The following PTPN14 variants were observed in gnomAD, a reference collection of about 807,000 sequenced individuals.
The protein encoded by PTPN14 is protein tyrosine phosphatase non-receptor type 14.
Under a neutral mutation model 126.8 loss-of-function variants are expected in PTPN14, and 53 were observed. The observed-to-expected ratio is 0.42, with a 90% CI of 0.34 to 0.53. The LOEUF (loss-of-function observed/expected upper bound fraction) is 0.53, where lower values mean the gene tolerates loss of function less well. Among genes scored for constraint, PTPN14 ranks in the 20% least tolerant of loss-of-function variants. The pLI, the probability that PTPN14 is intolerant of heterozygous loss-of-function variation, is 0.08. For synonymous variants in PTPN14, 630 were observed against 599.3 expected, an observed-to-expected ratio of 1.05 and a Z score of -0.75; for missense variants, 1,257 against 1,552.9, an observed-to-expected ratio of 0.81 and a Z score of 3.20.
intron 3 of PTPN14, among the ~76,000 whole-genome samples, chr1:214,432,349 A>T (rs755950050): frequency 2.6e-5 from 4 of 152,202 alleles, no homozygotes; most frequent in Non-Finnish European, 5.9e-5. Flanking sequence ...AAAGAAACAT[A>T]AGACCAAGTA....
chr1:214,502,815 T>C (rs1402371434), intron 1 of PTPN14, among the ~76,000 whole-genome samples: 2 of 151,994 alleles, frequency 1.3e-5, no homozygotes, highest in African/African-American at 4.8e-5. Context: ...CAGAAAAAAA[T>C]AGGGAAAACA....
In PTPN14 at chr1:214,414,726, T is replaced by G; in HGVS notation, c.345A>C (p.Arg115Ser). The change falls in exon 4 of 19, where the codon AGA becomes AGC. Residue 115 changes from arginine to serine, a missense_variant and splice_region_variant. Arg to Ser is a moderately radical substitution (Grantham distance 110). Transcript: ENST00000366956. ...NVSWLQQEAT[R>S]YQYYLQVKKD... ...TTTTGACTTGCAGGTAATACTGATA[T>G]CTGTTCATGGGAATAGAGGAACAAA... 6.2e-7 allele frequency: 1 copy of G among 1,609,906 alleles called. No homozygotes were observed. The highest frequency in any genetic ancestry group is 8.5e-7 in the Non-Finnish European group (1 of 1,176,150).
At chr1:214,491,813 T>C (rs1661257371) in intron 1 of PTPN14, among the ~76,000 whole-genome samples, 2 of 152,158 alleles carry the variant, frequency 1.3e-5, no homozygotes, top group Admixed American at 6.5e-5. Context: ...TCCCCAAGTC[T>C]AGTTCATCTG....
At chr1:214,501,808 C>T (rs1654706542) in intron 1 of PTPN14, among the ~76,000 whole-genome samples, 1 of 151,978 alleles carries the variant, frequency 6.6e-6, no homozygotes, top group African/African-American at 2.4e-5. Flanking sequence ...GCCTGTAATC[C>T]CAGCACTTTG....
rs534100917 is a variant in PTPN14 at position 214,349,359 on chromosome 1, A to G, written c.*8563T>C. On this transcript the variant is annotated 3_prime_UTR_variant, in exon 19 of 19. Transcript: ENST00000366956. Reference sequence around the variant, plus strand: ...CTGTGGTGGAGGTCAGTGGGCTTCTATGGGCTGACGCAAGAACCTTAAGAA... The same window carrying G: ...CTGTGGTGGAGGTCAGTGGGCTTCTGTGGGCTGACGCAAGAACCTTAAGAA... 5.3e-5 allele frequency: 8 copies of G among 152,326 alleles called. 1 individual carries two copies. In the East Asian group the frequency reaches 1.5e-3, roughly 29 times the overall value. 9.4% of individuals were successfully genotyped at this position (152,326 alleles called of 1,614,324 possible).
At position 214,369,693 on chromosome 1, in the gene PTPN14, TA is replaced by T. The variant is rs780973871; in HGVS notation, c.3037-3del. 8.7e-6 allele frequency: 14 copies of T among 1,613,184 alleles called. No homozygotes were observed. Among genetic ancestry groups the T allele is most frequent in the Non-Finnish European group, 4.2e-6 (5 of 1,179,272 alleles). ...GTGGCTTTTGGTTCGTCCACCCTCC[TA>T]AATCACATATAAAAGCAAAATTGGA... On this transcript the variant is annotated splice_polypyrimidine_tract_variant and splice_region_variant and intron_variant, in intron 16 of 18. Transcript: ENST00000366956.
intron 3 of PTPN14, among the ~76,000 whole-genome samples, chr1:214,419,943 C>A (rs1453541393): frequency 2.0e-5 from 3 of 152,160 alleles, no homozygotes; most frequent in African/African-American, 7.2e-5. Flanking sequence ...GCCTCCCTCC[C>A]TCCATCCCTC....
At chr1:214,442,417 CTTTG>C (rs936005956) in intron 3 of PTPN14, among the ~76,000 whole-genome samples, 2 of 152,212 alleles carry the variant, frequency 1.3e-5, no homozygotes, top group African/African-American at 4.8e-5. Context: ...TTTTGGTAAA[CTTTG>C]TTTTTCTAAT....
intron 1 of PTPN14, among the ~76,000 whole-genome samples, chr1:214,476,067 G>A (rs1660860391): frequency 6.6e-6 from 1 of 152,102 alleles, no homozygotes; most frequent in Admixed American, 6.5e-5. Context: ...GGTGGAGGGG[G>A]CCCTGAGGCT....
intron 3 of PTPN14, among the ~76,000 whole-genome samples, chr1:214,416,239 T>C (rs1659422939): frequency 6.6e-6 from 1 of 152,224 alleles, no homozygotes; most frequent in South Asian, 2.1e-4. Context: ...TTGTCTAGTG[T>C]ACTATCTAAG....
intron 13 of PTPN14, among the ~76,000 whole-genome samples, chr1:214,382,902 CG>C (rs556824696): frequency 1.7e-3 from 258 of 152,280 alleles, no homozygotes; most frequent in Non-Finnish European, 2.9e-3. Context: ...TCTTGACTTA[CG>C]GATCTATACA....
At chr1:214,415,687 T>A (rs1659410335) in intron 3 of PTPN14, among the ~76,000 whole-genome samples, 1 of 152,180 alleles carries the variant, frequency 6.6e-6, no homozygotes, top group African/African-American at 2.4e-5. Context: ...ACCATGTTGA[T>A]GTCACAGGCA....
intron 1 of PTPN14, among the ~76,000 whole-genome samples, chr1:214,524,519 C>T (rs998755325): frequency 5.5e-4 from 84 of 151,886 alleles, no homozygotes; most frequent in African/African-American, 1.9e-3. Context: ...AGGCAGGATG[C>T]TGCACACCTG....
At chr1:214,532,871 G>C in intron 1 of PTPN14, 1 of 1,043,994 alleles carries the variant, frequency 9.6e-7, no homozygotes, top group East Asian at 2.4e-5. Context: ...GCCAGCTCTG[G>C]GTTGACCATG....
At chr1:214,426,960 A>T (rs1193491237) in intron 3 of PTPN14, among the ~76,000 whole-genome samples, 2 of 152,072 alleles carry the variant, frequency 1.3e-5, no homozygotes, top group African/African-American at 2.4e-5. Context: ...TAAAATAAAA[A>T]AATCTCAGCA....
At chr1:214,402,671 A>AAGGAAGGGAGGGAGGGAGGGAGGG (rs1553262734) in intron 6 of PTPN14, among the ~76,000 whole-genome samples, 2 of 25,498 alleles carry the variant, frequency 7.8e-5, no homozygotes, top group African/African-American at 3.3e-4. Flanking sequence ...GGAAGGAAGG[A>AAGGAAGGGAGGGAGGGAGGGAGGG]AGGAAGGGAG....
chr1:214,392,761 G>C (rs1485215544), intron 10 of PTPN14, among the ~76,000 whole-genome samples: 1 of 152,212 alleles, frequency 6.6e-6, no homozygotes, highest in Non-Finnish European at 1.5e-5. Flanking sequence ...GACCCCGACA[G>C]TGACCAATTG....
At chr1:214,403,799 G>C (rs1367273202) in intron 5 of PTPN14, among the ~76,000 whole-genome samples, 1 of 152,232 alleles carries the variant, frequency 6.6e-6, no homozygotes, top group Non-Finnish European at 1.5e-5. Context: ...TCTAGAGTTT[G>C]TCTCATGCCT....
chr1:214,395,981 A>G (rs768140629), intron 8 of PTPN14, among the ~76,000 whole-genome samples: 4 of 151,988 alleles, frequency 2.6e-5, no homozygotes. Context: ...ATTGCATTAT[A>G]ATTTTTACTT....
Sources: gnomAD v4.1 joint callset for allele counts (sites outside exome capture counted in the v4.1 genomes callset) on GRCh38, gnomAD v4.1.1 for gene constraint, MANE v1.5 for transcripts, NCBI Gene and HGNC (gene_info 2026-07-23, HGNC 2026-07-21) for gene names.